Variants in PCBP2 observed in about 807,000 individuals in gnomAD.
PCBP2 encodes poly(rC)-binding protein 2.
In PCBP2, 4 loss-of-function variants were observed where a neutral mutation model predicts 50.1. The observed-to-expected ratio is 0.08, with a 90% CI of 0.04 to 0.18. PCBP2 has a LOEUF of 0.18. Ranked by LOEUF, PCBP2 falls within the 10% of genes least tolerant of loss-of-function variation. PCBP2 has a pLI of 1.00. For missense variants in PCBP2, 161 were observed against 474.3 expected, an observed-to-expected ratio of 0.34 and a Z score of 6.14; for synonymous variants, 179 against 168.0, an observed-to-expected ratio of 1.07 and a Z score of -0.51.
chr12:53,471,998 G>T, intron 14 of PCBP2, among the ~76,000 whole-genome samples, 191 bp downstream of exon 14: 1 of 116,492 alleles, frequency 8.6e-6, no homozygotes, highest in South Asian at 3.2e-4. Flanking sequence ...GTTTTCAAGG[G>T]GTTGGTGGGG....
In PCBP2 at chr12:53,480,728, T is replaced by G. The variant is rs1432886908; in HGVS notation, c.*1286T>G. On this transcript the variant is annotated 3_prime_UTR_variant, in exon 15 of 15. Coordinates refer to ENST00000546463, the MANE Select transcript of PCBP2 (RefSeq NM_031989.5). ...GAGTTACATTGCCACCTGAGAAACC[T>G]CAGAGGGGAGGACCCAGCCTTAGCC... is the stretch of plus-strand genomic sequence containing the variant. 3 of 152,498 alleles carry G rather than the reference T, an allele frequency of 2.0e-5. No individual in the cohort carries two copies. The highest frequency in any genetic ancestry group is 7.3e-5 in the African/African-American group (3 of 41,340). 9.4% of individuals were successfully genotyped at this position (152,498 alleles called of 1,614,324 possible).
At chr12:53,474,343 C>T (rs753310246) in intron 14 of PCBP2, among the ~76,000 whole-genome samples, 7 of 152,170 alleles carry the variant, frequency 4.6e-5, no homozygotes, top group African/African-American at 1.7e-4. Context: ...TGTCTCTTTC[C>T]ACCCTGATAC....
intron 5 of PCBP2, among the ~76,000 whole-genome samples, chr12:53,458,243 A>G (rs569890533): frequency 2.0e-5 from 3 of 150,830 alleles, no homozygotes; most frequent in Non-Finnish European, 3.0e-5. Context: ...TTAGTTTTCT[A>G]ACAGGGTAGA....
At chr12:53,462,120 A>G (rs1941493351) in intron 7 of PCBP2, among the ~76,000 whole-genome samples, 1 of 152,194 alleles carries the variant, frequency 6.6e-6, no homozygotes, top group African/African-American at 2.4e-5. Context: ...CTTTATTTGC[A>G]GTTTTGACCT....
chr12:53,464,291 A>T (rs1941663449), intron 8 of PCBP2, among the ~76,000 whole-genome samples: 3 of 146,010 alleles, frequency 2.1e-5, no homozygotes, highest in African/African-American at 5.1e-5. Context: ...CCCCCTTCAT[A>T]CCTCTTTGCT....
rs55730102 is a variant in PCBP2 at position 53,479,668 on chromosome 12, C to CTGGTTTTTTTTTTTT, written c.*227_*241dup. The CTGGTTTTTTTTTTTT allele has an allele frequency of 0.013, 1,759 of 136,588 alleles. 35 individuals carry two copies. The highest frequency in any genetic ancestry group is 0.055 in the African/African-American group (1,476 of 26,944). The allele number at this position is 136,588 out of a possible 1,614,324, so 8.5% of individuals were successfully genotyped here. On this transcript the variant is annotated 3_prime_UTR_variant, in exon 15 of 15. Coordinates refer to ENST00000546463, the MANE Select transcript of PCBP2 (RefSeq NM_031989.5). Reference sequence around the variant, plus strand: ...CATATTTAGTTTTATAAGCTTCTCCCTGGTTTTTTTTTTTTGGCTCATGAA... The same window carrying CTGGTTTTTTTTTTTT: ...CATATTTAGTTTTATAAGCTTCTCCCTGGTTTTTTTTTTTTTGGTTTTTTTTTTTTGGCTCATGAA...
chr12:53,455,696 T>G (rs978159573), intron 4 of PCBP2, among the ~76,000 whole-genome samples, 189 bp from the exon 5 acceptor site: 3 of 152,180 alleles, frequency 2.0e-5, no homozygotes, highest in African/African-American at 7.2e-5. Context: ...GTCAGAATTC[T>G]TTCAAGACTT....
At chr12:53,467,505 G>A (rs1941903760) in intron 11 of PCBP2, 6 of 629,518 alleles carry the variant, frequency 9.5e-6, no homozygotes, top group Admixed American at 8.3e-5. Flanking sequence ...GAAAAAAAAA[G>A]CCCTGGAAGG....
chr12:53,471,394 A>G (rs565399797), intron 13 of PCBP2, among the ~76,000 whole-genome samples: 4 of 152,046 alleles, frequency 2.6e-5, no homozygotes, highest in African/African-American at 9.7e-5. Context: ...CCTGGCCAAC[A>G]TGGTGAAACC....
intron 9 of PCBP2, 177 bp downstream of exon 9, chr12:53,465,029 A>T: frequency 5.0e-6 from 3 of 596,832 alleles, no homozygotes; most frequent in Non-Finnish European, 7.4e-6. Context: ...AGCCCACCAG[A>T]TGGTAACACC....
rs1224362917 is a variant in PCBP2 at position 53,454,726 on chromosome 12, T to C, written c.-75T>C. 8.3e-7 allele frequency: 1 copy of C among 1,208,706 alleles called. No individual in the cohort carries two copies. The highest frequency in any genetic ancestry group is 1.5e-5 in the African/African-American group (1 of 67,132). The allele number at this position is 1,208,706 out of a possible 1,614,324, so 74.9% of individuals were successfully genotyped here. On this transcript the variant is annotated splice_region_variant and 5_prime_UTR_variant, in exon 2 of 15. Coordinates refer to ENST00000546463, the MANE Select transcript of PCBP2 (RefSeq NM_031989.5). ...GATTTTGGTCATGTTTGCATTTTAGTTTTTGGCTTTCACCCCCAACCAGTG... is the reference window on the plus strand; with the variant it reads ...GATTTTGGTCATGTTTGCATTTTAGCTTTTGGCTTTCACCCCCAACCAGTG...
chr12:53,469,693 C>T (rs1358452599), intron 13 of PCBP2, among the ~76,000 whole-genome samples: 4 of 151,640 alleles, frequency 2.6e-5, no homozygotes, highest in Non-Finnish European at 5.9e-5. Flanking sequence ...CGCCATCGCA[C>T]TCCAGCCTGG....
At chr12:53,472,784 A>G (rs1298965411) in intron 14 of PCBP2, among the ~76,000 whole-genome samples, 4 of 152,128 alleles carry the variant, frequency 2.6e-5, no homozygotes, top group Non-Finnish European at 4.4e-5. Flanking sequence ...AGCTAAGAAC[A>G]TACCATTTCC....
At chr12:53,461,208 A>G (rs761021325) in intron 7 of PCBP2, 65 bp downstream of exon 7, 25 of 1,560,022 alleles carry the variant, frequency 1.6e-5, no homozygotes, top group East Asian at 1.4e-4. Context: ...GGACTGATCT[A>G]TATTTAGTAA....
At position 53,477,678 on chromosome 12, in the gene PCBP2, A is replaced by AC. The variant is rs1942704018; in HGVS notation, c.1053-1728_1053-1727insC. Among the ~76,000 whole-genome samples, 4 of 146,376 alleles carry AC rather than the reference A, an allele frequency of 2.7e-5. No homozygotes were observed. The South Asian group carries it at 6.3e-4, about 23-fold the overall frequency. On this transcript the variant is annotated intron_variant, in intron 14 of 14. Transcript: ENST00000546463. ...AAGACTCTGTCTCAAAAAAAAAAAA[A>AC]AAAAAAAAAAAAAAAACCCTAAATA...
intron 14 of PCBP2, among the ~76,000 whole-genome samples, chr12:53,477,254 A>G (rs1220829605): frequency 2.0e-5 from 3 of 152,162 alleles, no homozygotes; most frequent in East Asian, 3.8e-4. Context: ...AATGGTATCT[A>G]GCAGTTCCTT....
chr12:53,480,166 A>G lies in PCBP2; in HGVS notation c.*724A>G, dbSNP rs1179210906. ...TGGCATACACATTAAGCAGTTGATC[A>G]TATGTCTGACTGGGTTCCAGTTTCT... On this transcript the variant is annotated 3_prime_UTR_variant, in exon 15 of 15. Coordinates refer to ENST00000546463, the MANE Select transcript of PCBP2 (RefSeq NM_031989.5). The G allele has an allele frequency of 6.6e-6, 1 of 152,206 alleles. No homozygotes were observed. The highest frequency in any genetic ancestry group is 1.5e-5 in the Non-Finnish European group (1 of 68,036). 9.4% of individuals were successfully genotyped at this position (152,206 alleles called of 1,614,324 possible).
At chr12:53,477,559 G>A (rs1942681594) in intron 14 of PCBP2, among the ~76,000 whole-genome samples, 2 of 150,776 alleles carry the variant, frequency 1.3e-5, no homozygotes, top group South Asian at 4.2e-4. Context: ...CCAGCAACTC[G>A]GGAGGCTGAG....
At chr12:53,468,965 C>G (rs949099308) in intron 13 of PCBP2, 133 bp downstream of exon 13, 31 of 637,826 alleles carry the variant, frequency 4.9e-5, no homozygotes, top group Non-Finnish European at 6.8e-5. Context: ...TGCAGTGGTG[C>G]GATCTTGGCT....
Sources: gnomAD v4.1 joint callset for allele counts (sites outside exome capture counted in the v4.1 genomes callset) on GRCh38, gnomAD v4.1.1 for gene constraint, MANE v1.5 for transcripts, NCBI Gene and HGNC (gene_info 2026-07-23, HGNC 2026-07-21) for gene names.